The following ATG7 variants were observed in gnomAD, a reference collection of about 807,000 sequenced individuals.
ATG7 encodes ubiquitin-like modifier-activating enzyme ATG7.
A neutral mutation model predicts 82.4 loss-of-function variants in ATG7; 70 were observed. The observed-to-expected ratio is 0.85, with a 90% CI of 0.70 to 1.04. ATG7 has a LOEUF of 1.04. Ranked by LOEUF, ATG7 falls within the 50% of genes least tolerant of loss-of-function variation. The probability of loss-of-function intolerance (pLI) is 0.00; values close to 1 mark genes in which losing one functional copy is unlikely to be tolerated. For synonymous variants in ATG7, 287 were observed against 313.0 expected (o/e 0.92, Z 0.88); for missense variants, 792 against 864.3 (o/e 0.92, Z 1.05).
intron 9 of ATG7, among the ~76,000 whole-genome samples, chr3:11,329,177 A>G (rs1951295383): frequency 6.6e-6 from 1 of 152,218 alleles, no homozygotes; most frequent in Non-Finnish European, 1.5e-5. Context: ...ATTAAAATAT[A>G]TTTATGCAAA....
chr3:11,381,693 T>A (rs1276018918), intron 19 of ATG7, among the ~76,000 whole-genome samples: 1 of 152,232 alleles, frequency 6.6e-6, no homozygotes, highest in East Asian at 1.9e-4. Flanking sequence ...CTGCTTTACA[T>A]AAACATGTTG....
intron 19 of ATG7, among the ~76,000 whole-genome samples, chr3:11,382,029 T>C (rs2077943505): frequency 6.6e-6 from 1 of 152,240 alleles, no homozygotes; most frequent in Admixed American, 6.5e-5. Context: ...GTCATAGTTG[T>C]TGTTTCAAAA....
At chr3:11,465,626 G>T (rs190107913) in intron 20 of ATG7, among the ~76,000 whole-genome samples, 1 of 151,780 alleles carries the variant, frequency 6.6e-6, no homozygotes, top group East Asian at 1.9e-4. Flanking sequence ...TTAGCTGGGC[G>T]TGGTGGCACA....
chr3:11,343,420 T>G (rs1198847841), intron 13 of ATG7, among the ~76,000 whole-genome samples: 4 of 152,196 alleles, frequency 2.6e-5, no homozygotes, highest in Non-Finnish European at 4.4e-5. Flanking sequence ...TTTGTGAGTT[T>G]TATTTCTTTT....
chr3:11,552,963 G>T (rs75486088), intron 20 of ATG7, among the ~76,000 whole-genome samples: 2,005 of 152,244 alleles, frequency 0.013, 51 homozygotes, highest in African/African-American at 0.045. Context: ...GCCCAGGCCC[G>T]AGTCCTCTTA....
chr3:11,542,184 G>C (rs1038071432), intron 20 of ATG7, among the ~76,000 whole-genome samples: 2 of 152,250 alleles, frequency 1.3e-5, no homozygotes, highest in Non-Finnish European at 2.9e-5. Context: ...CAGGAGCTGA[G>C]AGCCCCAAAA....
rs78903403 is a variant in ATG7 at position 11,289,664 on chromosome 3, C to T, written c.-11+7226C>T. 4.4e-3 allele frequency among the ~76,000 whole-genome samples: 667 copies of T among 152,290 alleles called. 6 individuals carry two copies. Among genetic ancestry groups the T allele is most frequent in the African/African-American group, 0.015 (625 of 41,558 alleles). On this transcript the variant is annotated intron_variant, in intron 3 of 20. Coordinates refer to ENST00000693202, the MANE Select transcript of ATG7 (RefSeq NM_001349232.2). Reference sequence around the variant, plus strand: ...CAACCTCCTGGTGGGCTCGAGCTATCTTCCTACCTCAGCTTCCCGAGTTGT... The same window carrying T: ...CAACCTCCTGGTGGGCTCGAGCTATTTTCCTACCTCAGCTTCCCGAGTTGT...
At chr3:11,496,638 A>T (rs2090854375) in intron 20 of ATG7, among the ~76,000 whole-genome samples, 1 of 152,220 alleles carries the variant, frequency 6.6e-6, no homozygotes, top group South Asian at 2.1e-4. Context: ...AAACCTTGAC[A>T]TTTAATAATC....
chr3:11,400,718 T>C (rs927728084), intron 19 of ATG7, among the ~76,000 whole-genome samples: 8 of 151,988 alleles, frequency 5.3e-5, no homozygotes. Context: ...GAGAGAATAA[T>C]GTATAAAATA....
chr3:11,474,846 T>A (rs2087947612), intron 20 of ATG7, among the ~76,000 whole-genome samples: 1 of 151,858 alleles, frequency 6.6e-6, no homozygotes, highest in African/African-American at 2.4e-5. Context: ...GGAATAAGCA[T>A]GCTCAGTCTA....
intron 11 of ATG7, among the ~76,000 whole-genome samples, chr3:11,334,724 G>C (rs1157177138): frequency 6.6e-6 from 1 of 151,342 alleles, no homozygotes; most frequent in Non-Finnish European, 1.5e-5. Flanking sequence ...TTGGGAGGCC[G>C]AGGCGGGTGG....
intron 20 of ATG7, among the ~76,000 whole-genome samples, chr3:11,507,691 T>C (rs2091813412): frequency 6.6e-6 from 1 of 152,170 alleles, no homozygotes; most frequent in Admixed American, 6.5e-5. Flanking sequence ...GTGAATTCTA[T>C]TCATGGACTC....
At chr3:11,449,444 T>C (rs1306553125) in intron 20 of ATG7, among the ~76,000 whole-genome samples, 1 of 152,192 alleles carries the variant, frequency 6.6e-6, no homozygotes, top group Non-Finnish European at 1.5e-5. Context: ...CCTTGGTGGC[T>C]GTACTTTTAA....
intron 1 of ATG7, among the ~76,000 whole-genome samples, chr3:11,278,909 A>C (rs531334227): frequency 6.6e-6 from 1 of 152,290 alleles, no homozygotes; most frequent in East Asian, 1.9e-4. Flanking sequence ...TTCCCTCAGA[A>C]GTGATGATTG....
intron 20 of ATG7, among the ~76,000 whole-genome samples, chr3:11,551,073 A>T (rs1264237610): frequency 6.6e-6 from 1 of 152,144 alleles, no homozygotes; most frequent in African/African-American, 2.4e-5. Flanking sequence ...TTTCGTAATG[A>T]GCCGAGATGG....
At chr3:11,323,627 A>G (rs1387175598) in intron 9 of ATG7, among the ~76,000 whole-genome samples, 2 of 152,200 alleles carry the variant, frequency 1.3e-5, no homozygotes, top group Non-Finnish European at 2.9e-5. Flanking sequence ...CAGAGCAGTT[A>G]TTGAAGATTG....
At chr3:11,363,542 G>A (rs1267775794) in intron 17 of ATG7, among the ~76,000 whole-genome samples, 1 of 152,198 alleles carries the variant, frequency 6.6e-6, no homozygotes, top group Non-Finnish European at 1.5e-5. Context: ...GTGAGCCATT[G>A]CACCCGGCCT....
chr3:11,559,636 C>T (rs540618771), downstream of ATG7, among the ~76,000 whole-genome samples: 15 of 152,370 alleles, frequency 9.8e-5, no homozygotes, highest in South Asian at 3.1e-3. Flanking sequence ...GTGAGCGCAG[C>T]TCCAAGGGTG....
intron 3 of ATG7, among the ~76,000 whole-genome samples, chr3:11,296,437 A>C (rs1945927384): frequency 6.6e-6 from 1 of 152,006 alleles, no homozygotes; most frequent in Non-Finnish European, 1.5e-5. Flanking sequence ...AATCAGCCCC[A>C]ACGAGGGTCC....
Sources: allele counts gnomAD v4.1 joint callset (sites outside exome capture counted in the v4.1 genomes callset), GRCh38; gene constraint gnomAD v4.1.1; transcripts MANE v1.5; gene names NCBI Gene and HGNC (gene_info 2026-07-23, HGNC 2026-07-21).